Variants in NRXN1 observed in about 807,000 individuals in gnomAD.
NRXN1 encodes neurexin-1.
In NRXN1, 39 loss-of-function variants were observed where a neutral mutation model predicts 150.9. That is an observed-to-expected ratio of 0.26 (90% CI 0.20 to 0.34). The LOEUF is 0.34. NRXN1 is among the 10% of genes least tolerant of loss of function. The pLI, the probability that NRXN1 is intolerant of heterozygous loss-of-function variation, is 1.00. For synonymous variants in NRXN1, 924 were observed against 757.0 expected (o/e 1.22, Z -3.62); for missense variants, 1,815 against 1,949.9 (o/e 0.93, Z 1.30).
At chr2:50,228,890 G>A (rs2064669700) in intron 18 of NRXN1, among the ~76,000 whole-genome samples, 1 of 151,942 alleles carries the variant, frequency 6.6e-6, no homozygotes, top group African/African-American at 2.4e-5. Context: ...AAAAAGGTTA[G>A]ACAGTTTTCC....
intron 5 of NRXN1, among the ~76,000 whole-genome samples, chr2:50,729,548 T>A (rs1697822951): frequency 6.6e-6 from 1 of 152,200 alleles, no homozygotes; most frequent in South Asian, 2.1e-4. Context: ...CTTTTACGCA[T>A]GGTCTTCTGA....
chr2:50,489,881 G>GATAACTGCATGGGAAGGGA (rs11270403), intron 15 of NRXN1, among the ~76,000 whole-genome samples: 8,185 of 152,114 alleles, frequency 0.054, 776 homozygotes, highest in African/African-American at 0.19. Flanking sequence ...GCAGGTCCCA[G>GATAACTGCATGGGAAGGGA]ATAACTGCAT....
intron 17 of NRXN1, among the ~76,000 whole-genome samples, chr2:50,307,188 T>C (rs2074701623): frequency 6.6e-6 from 1 of 152,168 alleles, no homozygotes. Flanking sequence ...TTTTACATTT[T>C]GGCCAGGCTG....
intron 21 of NRXN1, among the ~76,000 whole-genome samples, chr2:50,050,516 C>G (rs902814250): frequency 6.6e-5 from 10 of 152,068 alleles, no homozygotes; most frequent in African/African-American, 2.2e-4. Flanking sequence ...ATGACCCTTT[C>G]TGATACACAA....
At chr2:50,226,878 C>G (rs1375522221) in intron 18 of NRXN1, among the ~76,000 whole-genome samples, 2 of 151,978 alleles carry the variant, frequency 1.3e-5, no homozygotes, top group Non-Finnish European at 2.9e-5. Flanking sequence ...TGAACATTTT[C>G]AGAACACACA....
intron 2 of NRXN1, among the ~76,000 whole-genome samples, chr2:51,001,237 G>GT (rs1553477339): frequency 1.2e-4 from 14 of 112,146 alleles, no homozygotes; most frequent in South Asian, 3.8e-4. Context: ...ATGGGGTTGG[G>GT]GGGGGGGGGC....
chr2:50,785,882 A>T (rs532858282), intron 5 of NRXN1, among the ~76,000 whole-genome samples: 1 of 152,202 alleles, frequency 6.6e-6, no homozygotes, highest in South Asian at 2.1e-4. Context: ...AACTACTATT[A>T]TATCCTGAAT....
intron 17 of NRXN1, among the ~76,000 whole-genome samples, chr2:50,269,495 C>T (rs1453063892): frequency 6.6e-6 from 1 of 152,172 alleles, no homozygotes; most frequent in African/African-American, 2.4e-5. Context: ...AAAATAATAA[C>T]AGATTATATC....
At chr2:50,817,040 A>C (rs1248990366) in intron 5 of NRXN1, among the ~76,000 whole-genome samples, 1 of 152,148 alleles carries the variant, frequency 6.6e-6, no homozygotes, top group African/African-American at 2.4e-5. Context: ...AAAAAGGGTC[A>C]TGAGGAAGGC....
intron 12 of NRXN1, among the ~76,000 whole-genome samples, chr2:50,508,103 C>G (rs2092315797): frequency 6.6e-6 from 1 of 152,074 alleles, no homozygotes; most frequent in Non-Finnish European, 1.5e-5. Flanking sequence ...GAACTACACC[C>G]TATCCACCAG....
intron 15 of NRXN1, among the ~76,000 whole-genome samples, chr2:50,472,819 GTGTGTGTGTGTATATATA>G (rs1437442465): frequency 2.3e-5 from 3 of 131,170 alleles, no homozygotes; most frequent in African/African-American, 7.9e-5. Context: ...GTGTGTGTGT[GTGTGTGTGTGTATATATA>G]TATATAAGTT....
At chr2:50,314,128 CTT>C (rs2075401333) in intron 17 of NRXN1, among the ~76,000 whole-genome samples, 1 of 152,078 alleles carries the variant, frequency 6.6e-6, no homozygotes, top group East Asian at 1.9e-4. Flanking sequence ...GTAAGGCAGT[CTT>C]AATCTTAATA....
intron 2 of NRXN1, among the ~76,000 whole-genome samples, chr2:50,986,328 T>A (rs1032263210): frequency 6.6e-6 from 1 of 151,724 alleles, no homozygotes; most frequent in African/African-American, 2.4e-5. Flanking sequence ...ATAAAAAATA[T>A]TCGTAGATGA....
chr2:50,170,813 C>G (rs929345116), intron 18 of NRXN1, among the ~76,000 whole-genome samples: 5 of 146,578 alleles, frequency 3.4e-5, no homozygotes, highest in African/African-American at 1.3e-4. Flanking sequence ...GTATAGTTGG[C>G]CCTTGAACAA....
At chr2:50,226,642 G>T (rs540616814) in intron 18 of NRXN1, among the ~76,000 whole-genome samples, 1 of 152,054 alleles carries the variant, frequency 6.6e-6, no homozygotes, top group South Asian at 2.1e-4. Context: ...ATACATCAGA[G>T]GTCCAGCTAA....
At chr2:51,001,455 C>T (rs1462726372) in intron 2 of NRXN1, among the ~76,000 whole-genome samples, 1 of 150,450 alleles carries the variant, frequency 6.6e-6, no homozygotes, top group African/African-American at 2.4e-5. Flanking sequence ...CTATACTGTA[C>T]TTAAAAAAAA....
At chr2:50,037,002 G>A (rs138704533) in intron 21 of NRXN1, among the ~76,000 whole-genome samples, 6 of 152,174 alleles carry the variant, frequency 3.9e-5, no homozygotes, top group African/African-American at 1.4e-4. Flanking sequence ...ATAAAAGGCT[G>A]CCATTTTAAG....
chr2:50,762,734 G>A (rs1406356906), intron 5 of NRXN1, among the ~76,000 whole-genome samples: 2 of 151,926 alleles, frequency 1.3e-5, no homozygotes. Flanking sequence ...CTTTACCAAA[G>A]ATACTCTTGA....
At chr2:50,868,049 C>T (rs1457125592) in intron 5 of NRXN1, among the ~76,000 whole-genome samples, 3 of 149,348 alleles carry the variant, frequency 2.0e-5, no homozygotes, top group Admixed American at 6.7e-5. Context: ...TTCCCCAAAC[C>T]GCAGAAAATT....
Sources: gnomAD v4.1 joint callset for allele counts (sites outside exome capture counted in the v4.1 genomes callset) on GRCh38, gnomAD v4.1.1 for gene constraint, MANE v1.5 for transcripts, NCBI Gene and HGNC (gene_info 2026-07-23, HGNC 2026-07-21) for gene names.